Variants in TOGARAM1 observed in about 807,000 individuals in gnomAD.
TOGARAM1 encodes the protein TOG array regulator of axonemal microtubules protein 1.
Under a neutral mutation model 166.6 loss-of-function variants are expected in TOGARAM1, and 100 were observed. The observed-to-expected ratio is 0.60, with a 90% CI of 0.51 to 0.71. The LOEUF is 0.71. Among genes scored for constraint, TOGARAM1 ranks in the 30% least tolerant of loss-of-function variants. TOGARAM1 has a pLI of 0.00. For missense variants in TOGARAM1, 2,029 were observed against 2,102.7 expected, an observed-to-expected ratio of 0.96 and a Z score of 0.69; for synonymous variants, 758 against 763.8, an observed-to-expected ratio of 0.99 and a Z score of 0.13.
intron 1 of TOGARAM1, among the ~76,000 whole-genome samples, chr14:44,965,561 C>T (rs768793257): frequency 3.0e-4 from 46 of 152,064 alleles, no homozygotes; most frequent in Non-Finnish European, 5.1e-4. Flanking sequence ...GAAAATATTA[C>T]ATAGGAGATA....
chr14:44,972,619 C>A (rs1475921341), intron 1 of TOGARAM1, among the ~76,000 whole-genome samples: 2 of 152,020 alleles, frequency 1.3e-5, no homozygotes, highest in Non-Finnish European at 2.9e-5. Context: ...TTATGTGAGG[C>A]CCCTCTTTAT....
chr14:45,050,586 C>T (rs1174550998), intron 14 of TOGARAM1, among the ~76,000 whole-genome samples: 1 of 151,348 alleles, frequency 6.6e-6, no homozygotes, highest in Admixed American at 6.6e-5. Context: ...CCTGTATCCC[C>T]CCAATCCACA....
At chr14:44,979,908 T>G (rs1015700497) in intron 1 of TOGARAM1, among the ~76,000 whole-genome samples, 2 of 152,180 alleles carry the variant, frequency 1.3e-5, no homozygotes, top group African/African-American at 4.8e-5. Flanking sequence ...GCATAAGGCA[T>G]GATACAAGAG....
chr14:44,982,366 A>G (rs748795894), intron 1 of TOGARAM1, among the ~76,000 whole-genome samples: 4 of 152,206 alleles, frequency 2.6e-5, no homozygotes, highest in South Asian at 2.1e-4. Flanking sequence ...ATCTCTTTCT[A>G]TGTATTTAGG....
At chr14:45,006,454 C>T (rs1879438132) in intron 5 of TOGARAM1, 187 bp downstream of exon 5, 2 of 486,048 alleles carry the variant, frequency 4.1e-6, no homozygotes, top group Admixed American at 6.8e-5. Flanking sequence ...GTTCCCACTA[C>T]CAGAATAATT....
chr14:44,967,683 C>G (rs1363196110), intron 1 of TOGARAM1, among the ~76,000 whole-genome samples: 2 of 152,020 alleles, frequency 1.3e-5, no homozygotes, highest in African/African-American at 2.4e-5. Context: ...ACACAAGGGG[C>G]CTAGTGGGAA....
chr14:44,964,356 T>C lies in TOGARAM1; in HGVS notation c.1935T>C (p.Cys645=). The C allele has an allele frequency of 6.2e-7, 1 of 1,614,164 alleles. No individual in the cohort carries two copies. The highest frequency in any genetic ancestry group is 8.5e-7 in the Non-Finnish European group (1 of 1,180,028). The change falls in exon 1 of 20, where the codon TGT becomes TGC. Residue 645 remains cysteine, a synonymous_variant. Transcript: ENST00000361462. The part of the protein sequence containing the change: ...HIYGSYSPTI[C]TRRVLSAGKG... Reference sequence around the variant, plus strand: ...ATGGATCTTACAGCCCAACTATCTGTACCCGAAGGGTATTAAGTGCAGGAA... The same window carrying C: ...ATGGATCTTACAGCCCAACTATCTGCACCCGAAGGGTATTAAGTGCAGGAA...
At chr14:44,968,462 A>G (rs1458492614) in intron 1 of TOGARAM1, among the ~76,000 whole-genome samples, 1 of 152,060 alleles carries the variant, frequency 6.6e-6, no homozygotes, top group African/African-American at 2.4e-5. Context: ...GTTAGCCAGG[A>G]TGGTCTCGAT....
rs973409322 is a variant in TOGARAM1, at chr14:44,995,756, A to G, written c.2057A>G (p.Tyr686Cys). ...TSKDIEQFST[Y>C]DFIPSAKLKL... ...ATTCTGTTCTTATAGTTTTCAACAT[A>G]TGATTTCATCCCATCTGCAAAATTA... The change falls in exon 2 of 20, where the codon TAT becomes TGT. Residue 686 changes from tyrosine to cysteine, a missense_variant. Physicochemically the swap from Tyr to Cys is radical, Grantham distance 194. This residue lies in a region of TOGARAM1 where 1,453 missense variants were observed against 1,432.2 expected (regional missense o/e 1.01). Transcript: ENST00000361462. The G allele has an allele frequency of 2.6e-6, 4 of 1,566,420 alleles. No homozygotes were observed. The highest frequency in any genetic ancestry group is 3.5e-6 in the Non-Finnish European group (4 of 1,158,994).
chr14:45,037,452 T>C (rs948379156), intron 11 of TOGARAM1, among the ~76,000 whole-genome samples: 1 of 152,138 alleles, frequency 6.6e-6, no homozygotes, highest in Non-Finnish European at 1.5e-5. Flanking sequence ...AACACATTCA[T>C]GGAGAGGGTG....
At chr14:45,013,686 T>C (rs1166077458) in intron 7 of TOGARAM1, among the ~76,000 whole-genome samples, 3 of 152,234 alleles carry the variant, frequency 2.0e-5, no homozygotes, top group African/African-American at 7.2e-5. Flanking sequence ...TAGTGCATAG[T>C]AGGCACTCAA....
Position 44,995,793 on chromosome 14 carries a change from A to G in TOGARAM1, c.2094A>G (p.Gln698=), listed in dbSNP as rs748134479. ...FIPSAKLKLS[Q]GMPVNDDLCF... is the part of the protein sequence containing the mutation. ...CATCTGCAAAATTAAAGCTTTCTCA[A>G]GGAATGCCAGTCAATGATGATTTAT... is the stretch of plus-strand genomic sequence containing the variant. Residue 698 remains glutamine, a synonymous_variant, in exon 2 of 20, where the codon CAA becomes CAG. Transcript: ENST00000361462. 8.7e-6 allele frequency: 14 copies of G among 1,600,442 alleles called. No homozygotes were observed. Among genetic ancestry groups the G allele is most frequent in the Admixed American group, 7.0e-5 (4 of 57,274 alleles).
At chr14:45,065,955 C>T (rs928693407) in intron 16 of TOGARAM1, among the ~76,000 whole-genome samples, 1 of 152,174 alleles carries the variant, frequency 6.6e-6, no homozygotes, top group Non-Finnish European at 1.5e-5. Context: ...TCTTCGCTGA[C>T]ATGGGAAACT....
In TOGARAM1 at chr14:45,006,541, G is replaced by A. The variant is rs190975474; in HGVS notation, c.2904+274G>A. 93 of 251,746 alleles carry A rather than the reference G, an allele frequency of 3.7e-4. 1 individual carries two copies. In the East Asian group the frequency reaches 5.8e-3, roughly 16 times the overall value. The allele number at this position is 251,746 out of a possible 1,614,324, so 15.6% of individuals were successfully genotyped here. A position where few individuals can be genotyped will look rare whatever the true frequency, so the allele number is the denominator to read the frequency against. Reference sequence around the variant, plus strand: ...TTATTCCTTTTTAAATTAAAAGTATGAATAATAATATAGCAATACACTCAT... The same window carrying A: ...TTATTCCTTTTTAAATTAAAAGTATAAATAATAATATAGCAATACACTCAT... On this transcript the variant is annotated intron_variant, in intron 5 of 19. Coordinates refer to ENST00000361462, the MANE Select transcript of TOGARAM1 (RefSeq NM_001308120.2).
In TOGARAM1 at chr14:44,962,359, C is replaced by G; in HGVS notation, c.-63C>G. On this transcript the variant is annotated 5_prime_UTR_variant, in exon 1 of 20. Coordinates refer to ENST00000361462, the MANE Select transcript of TOGARAM1 (RefSeq NM_001308120.2). ...CTTGGAGAGGATCTGGAAGTCTGGG[C>G]TCCATCGAGCCCTTTGGAGACGGCA... is the stretch of plus-strand genomic sequence containing the variant. The G allele has an allele frequency of 6.7e-7, 1 of 1,487,472 alleles. No individual in the cohort carries two copies. The allele number at this position is 1,487,472 out of a possible 1,614,324, so 92.1% of individuals were successfully genotyped here. A position where few individuals can be genotyped will look rare whatever the true frequency, so the allele number is the denominator to read the frequency against.
At chr14:44,992,136 C>CT (rs1402168792) in intron 1 of TOGARAM1, among the ~76,000 whole-genome samples, 1 of 135,786 alleles carries the variant, frequency 7.4e-6, no homozygotes, top group African/African-American at 2.8e-5. Flanking sequence ...AAGTATAGCA[C>CT]TTATAAGGGG....
rs368672049 is a variant in TOGARAM1 at position 45,005,076 on chromosome 14, C to T, written c.2644+710C>T. ...GGTTATAGGCATGCGCCACCATGCC[C>T]GGCTAATTTTGTATTTTTAGTAGAG... On this transcript the variant is annotated intron_variant, in intron 4 of 19. Transcript: ENST00000361462. Among the ~76,000 whole-genome samples, 5 of 151,674 alleles carry T rather than the reference C, an allele frequency of 3.3e-5. No homozygotes were observed. In the East Asian group the frequency reaches 5.9e-4, roughly 18 times the overall value.
At chr14:45,021,637 G>A (rs1399223559) in intron 7 of TOGARAM1, among the ~76,000 whole-genome samples, 1 of 152,114 alleles carries the variant, frequency 6.6e-6, no homozygotes, top group African/African-American at 2.4e-5. Flanking sequence ...GGTTTGACTC[G>A]AGTGTGATGT....
At chr14:44,997,558 A>G (rs1566619617) in intron 2 of TOGARAM1, among the ~76,000 whole-genome samples, 1 of 152,144 alleles carries the variant, frequency 6.6e-6, no homozygotes, top group Non-Finnish European at 1.5e-5. Flanking sequence ...AACTGAGAAC[A>G]TGGACTAAGT....
Sources: allele counts gnomAD v4.1 joint callset (sites outside exome capture counted in the v4.1 genomes callset), GRCh38; gene constraint gnomAD v4.1.1; regional missense constraint gnomAD v4.1.1; transcripts MANE v1.5; gene names NCBI Gene and HGNC (gene_info 2026-07-23, HGNC 2026-07-21).